Variants in AKAP6 observed in about 807,000 individuals in gnomAD.
AKAP6 encodes the protein A-kinase anchor protein 6.
Under a neutral mutation model 188.5 loss-of-function variants are expected in AKAP6, and 58 were observed. The observed-to-expected ratio is 0.31, with a 90% CI of 0.25 to 0.38. The LOEUF (loss-of-function observed/expected upper bound fraction) is 0.38, where lower values mean the gene tolerates loss of function less well. AKAP6 is among the 10% of genes least tolerant of loss of function. The pLI, the probability that AKAP6 is intolerant of heterozygous loss-of-function variation, is 1.00. For missense variants in AKAP6, 2,710 were observed against 2,740.0 expected, an observed-to-expected ratio of 0.99 and a Z score of 0.24; for synonymous variants, 989 against 998.6, an observed-to-expected ratio of 0.99 and a Z score of 0.18.
At chr14:32,800,191 TATATA>T (rs1423286873) in intron 12 of AKAP6, among the ~76,000 whole-genome samples, 1 of 145,810 alleles carries the variant, frequency 6.9e-6, no homozygotes, top group East Asian at 2.0e-4. Flanking sequence ...TATATACACA[TATATA>T]TACATATATA....
chr14:32,726,958 T>C (rs2030904446), intron 9 of AKAP6, among the ~76,000 whole-genome samples: 1 of 152,160 alleles, frequency 6.6e-6, no homozygotes, highest in Admixed American at 6.5e-5. Context: ...AATATGACTG[T>C]TTTTGGTAGT....
intron 1 of AKAP6, among the ~76,000 whole-genome samples, chr14:32,341,405 G>T (rs957716887): frequency 1.3e-5 from 2 of 152,136 alleles, no homozygotes; most frequent in African/African-American, 4.8e-5. Flanking sequence ...AATATTAACA[G>T]TTTCATGATA....
At chr14:32,788,212 T>A (rs2033488995) in intron 12 of AKAP6, among the ~76,000 whole-genome samples, 1 of 152,182 alleles carries the variant, frequency 6.6e-6, no homozygotes, top group Non-Finnish European at 1.5e-5. Flanking sequence ...AGTATTATAA[T>A]ACAATATGGT....
intron 12 of AKAP6, among the ~76,000 whole-genome samples, chr14:32,800,088 C>T (rs1420467851): frequency 7.5e-6 from 1 of 133,286 alleles, no homozygotes; most frequent in Non-Finnish European, 1.6e-5. Context: ...TATATATATA[C>T]AAAATATATA....
chr14:32,473,783 T>G (rs941750), intron 2 of AKAP6: 139,247 of 152,142 alleles, frequency 0.92, 63,822 homozygotes, highest in South Asian at 0.97. Flanking sequence ...TCCCAGCACA[T>G]TGGGCAGGAC....
intron 7 of AKAP6, among the ~76,000 whole-genome samples, chr14:32,671,932 G>T (rs1310015837): frequency 3.3e-5 from 5 of 152,118 alleles, no homozygotes; most frequent in African/African-American, 1.2e-4. Context: ...CAAAGATAAA[G>T]CATTAGGTCT....
At chr14:32,621,887 G>A (rs1886828777) in intron 7 of AKAP6, among the ~76,000 whole-genome samples, 1 of 152,074 alleles carries the variant, frequency 6.6e-6, no homozygotes. Flanking sequence ...TGATAAGTGT[G>A]ACAGATGTAC....
chr14:32,421,455 T>A (rs1180987737), intron 1 of AKAP6, among the ~76,000 whole-genome samples: 1 of 152,198 alleles, frequency 6.6e-6, no homozygotes, highest in African/African-American at 2.4e-5. Flanking sequence ...ATACATACTT[T>A]TATTTTCCCA....
chr14:32,635,934 C>T (rs558278882), intron 7 of AKAP6, among the ~76,000 whole-genome samples: 4 of 151,946 alleles, frequency 2.6e-5, no homozygotes, highest in South Asian at 4.1e-4. Flanking sequence ...TCAATTTATT[C>T]ATTGCTTTAT....
At chr14:32,587,009 G>A (rs759625721) in intron 5 of AKAP6, among the ~76,000 whole-genome samples, 7 of 152,176 alleles carry the variant, frequency 4.6e-5, no homozygotes, top group Non-Finnish European at 7.3e-5. Context: ...ATGCATGAGA[G>A]TGCCTATTTC....
chr14:32,537,749 G>A (rs1365047429), intron 3 of AKAP6, among the ~76,000 whole-genome samples: 1 of 152,136 alleles, frequency 6.6e-6, no homozygotes, highest in Non-Finnish European at 1.5e-5. Context: ...AGATATAGCA[G>A]TGCTCTAGGG....
At chr14:32,715,636 C>T (rs936123044) in intron 9 of AKAP6, among the ~76,000 whole-genome samples, 2 of 151,868 alleles carry the variant, frequency 1.3e-5, no homozygotes, top group Non-Finnish European at 2.9e-5. Context: ...AAAAAAACCT[C>T]AGATCTAGGA....
intron 9 of AKAP6, among the ~76,000 whole-genome samples, chr14:32,723,551 ATGTGTTTATGTGTG>A (rs1345431158): frequency 7.7e-5 from 11 of 143,628 alleles, no homozygotes; most frequent in South Asian, 2.2e-4. Flanking sequence ...ATGTGTGCGT[ATGTGTTTATGTGTG>A]TGTGTGTGTG....
At chr14:32,685,135 G>A (rs1179003372) in intron 8 of AKAP6, among the ~76,000 whole-genome samples, 2 of 151,928 alleles carry the variant, frequency 1.3e-5, no homozygotes, top group Non-Finnish European at 2.9e-5. Context: ...ATGGTGGTTT[G>A]CATCTATGGT....
chr14:32,465,849 T>C (rs951629847), intron 2 of AKAP6, among the ~76,000 whole-genome samples: 6 of 152,122 alleles, frequency 3.9e-5, no homozygotes, highest in Admixed American at 3.3e-4. Context: ...AGGGTTGATA[T>C]CCAGAATCTA....
intron 7 of AKAP6, among the ~76,000 whole-genome samples, chr14:32,663,417 G>T (rs1249052001): frequency 2.0e-5 from 3 of 152,046 alleles, no homozygotes; most frequent in African/African-American, 4.8e-5. Flanking sequence ...GATGTCAAAA[G>T]AAATCTGGTT....
intron 12 of AKAP6, among the ~76,000 whole-genome samples, chr14:32,807,325 C>CAAA (rs10707499): frequency 9.5e-6 from 1 of 105,260 alleles, no homozygotes; most frequent in Non-Finnish European, 2.1e-5. Context: ...GACCATGTCT[C>CAAA]AAAAAAAAAA....
At chr14:32,828,521 TCTCTCTCTCACACACACACACACA>T (rs1441975931) in intron 13 of AKAP6, among the ~76,000 whole-genome samples, 7 of 32,700 alleles carry the variant, frequency 2.1e-4, no homozygotes, top group African/African-American at 4.7e-4. Flanking sequence ...TCTCTCTCTC[TCTCTCTCTCACACACACACACACA>T]CACACACACA....
At chr14:32,771,470 G>T (rs575160973) in intron 11 of AKAP6, among the ~76,000 whole-genome samples, 2 of 152,110 alleles carry the variant, frequency 1.3e-5, no homozygotes, top group South Asian at 4.2e-4. Flanking sequence ...TAGGAGTGGG[G>T]ATCACCTAGA....
Sources: allele counts gnomAD v4.1 joint callset (sites outside exome capture counted in the v4.1 genomes callset), GRCh38; gene constraint gnomAD v4.1.1; transcripts MANE v1.5; gene names NCBI Gene and HGNC (gene_info 2026-07-23, HGNC 2026-07-21).